The following NCKAP5 variants were observed in gnomAD, a reference collection of about 807,000 sequenced individuals.
NCKAP5 encodes the protein NCK associated protein 5.
NCKAP5 carries 92 observed loss-of-function variants against 167.0 expected under a neutral mutation model. That is an observed-to-expected ratio of 0.55 (90% CI 0.47 to 0.66). The LOEUF (loss-of-function observed/expected upper bound fraction) is 0.66. Ranked by LOEUF, NCKAP5 falls within the 30% of genes least tolerant of loss-of-function variation. The pLI is 0.00. For missense variants in NCKAP5, 2,378 were observed against 2,315.0 expected, an observed-to-expected ratio of 1.03 and a Z score of -0.56; for synonymous variants, 891 against 877.4, an observed-to-expected ratio of 1.02 and a Z score of -0.27.
chr2:133,451,855 G>A (rs1235012313), intron 3 of NCKAP5, among the ~76,000 whole-genome samples: 1 of 152,146 alleles, frequency 6.6e-6, no homozygotes, highest in East Asian at 1.9e-4. Context: ...TCTTCAACCC[G>A]AAGGAGTGAT....
At chr2:132,742,428 C>T (rs1244416444) in intron 16 of NCKAP5, among the ~76,000 whole-genome samples, 1 of 151,876 alleles carries the variant, frequency 6.6e-6, no homozygotes, top group East Asian at 1.9e-4. Context: ...TCAGATCTAT[C>T]AATTTAGCAA....
chr2:132,849,382 A>C (rs768732454), intron 11 of NCKAP5, among the ~76,000 whole-genome samples: 3 of 152,242 alleles, frequency 2.0e-5, no homozygotes, highest in Non-Finnish European at 4.4e-5. Flanking sequence ...GGATCTACTT[A>C]GAGCTAAATA....
intron 8 of NCKAP5, among the ~76,000 whole-genome samples, chr2:132,940,075 T>C (rs1368592985): frequency 1.3e-5 from 2 of 152,148 alleles, no homozygotes; most frequent in Admixed American, 1.3e-4. Flanking sequence ...CAAAGTCCAT[T>C]ATATCATTCT....
At chr2:133,068,465 G>T in intron 6 of NCKAP5, among the ~76,000 whole-genome samples, 1 of 152,210 alleles carries the variant, frequency 6.6e-6, no homozygotes, top group Non-Finnish European at 1.5e-5. Context: ...ATGAACAAAG[G>T]AAGCAGAAGG....
the NCKAP5 span, among the ~76,000 whole-genome samples, chr2:133,637,276 T>C: frequency 1.3e-5 from 2 of 151,632 alleles, no homozygotes; most frequent in Admixed American, 1.3e-4. Context: ...AAAATACTAA[T>C]TGTTGCCCTA....
the NCKAP5 span, among the ~76,000 whole-genome samples, chr2:133,670,856 T>C: frequency 6.6e-6 from 1 of 152,272 alleles, no homozygotes; most frequent in Non-Finnish European, 1.5e-5. Context: ...GCCAGAGGTG[T>C]CAGGTTATCT....
chr2:132,911,995 C>T (rs1247441908), intron 8 of NCKAP5, among the ~76,000 whole-genome samples: 2 of 152,174 alleles, frequency 1.3e-5, no homozygotes, highest in African/African-American at 4.8e-5. Context: ...CTGGGGATAT[C>T]TGCAGAAACT....
intron 11 of NCKAP5, among the ~76,000 whole-genome samples, chr2:132,803,627 C>T (rs1685204824): frequency 6.6e-6 from 1 of 152,210 alleles, no homozygotes. Context: ...CTGTCCTTAT[C>T]TGCTGCAATT....
chr2:133,289,725 AC>A (rs954192043), intron 4 of NCKAP5, among the ~76,000 whole-genome samples: 16 of 142,672 alleles, frequency 1.1e-4, no homozygotes, highest in South Asian at 2.3e-4. Context: ...AAACAAACAA[AC>A]AAAAAAAAAC....
At chr2:133,352,823 C>T (rs1684459330) in intron 3 of NCKAP5, among the ~76,000 whole-genome samples, 1 of 152,186 alleles carries the variant, frequency 6.6e-6, no homozygotes. Flanking sequence ...ACATGAGGCA[C>T]TTTTAGTACT....
intron 19 of NCKAP5, among the ~76,000 whole-genome samples, chr2:132,694,842 C>T (rs938687633): frequency 1.3e-5 from 2 of 152,124 alleles, no homozygotes; most frequent in African/African-American, 4.8e-5. Flanking sequence ...TGGTAAAGGC[C>T]GAGCTTAGTC....
At chr2:132,926,928 A>T (rs948857775) in intron 8 of NCKAP5, among the ~76,000 whole-genome samples, 4 of 152,296 alleles carry the variant, frequency 2.6e-5, no homozygotes, top group Non-Finnish European at 4.4e-5. Flanking sequence ...TTGAGGTCTT[A>T]ATCGAGAATT....
chr2:132,974,096 G>T (rs910862162), intron 7 of NCKAP5, among the ~76,000 whole-genome samples: 3 of 152,114 alleles, frequency 2.0e-5, no homozygotes, highest in Non-Finnish European at 2.9e-5. Context: ...TTCTGATGGG[G>T]ACTATCCTTA....
chr2:133,662,248 C>A, the NCKAP5 span, among the ~76,000 whole-genome samples: 1 of 152,082 alleles, frequency 6.6e-6, no homozygotes, highest in Non-Finnish European at 1.5e-5. Flanking sequence ...ACCAAGTTTT[C>A]CAAATGCTCT....
chr2:132,854,876 G>A (rs1689342592), intron 11 of NCKAP5, among the ~76,000 whole-genome samples: 1 of 152,160 alleles, frequency 6.6e-6, no homozygotes, highest in Admixed American at 6.5e-5. Flanking sequence ...ATACAAAGTG[G>A]AACAGTTGAA....
rs551092419 is a variant in NCKAP5 at position 132,949,728 on chromosome 2, G to A, written c.579+13992C>T. On this transcript the variant is annotated intron_variant, in intron 8 of 19. Transcript: ENST00000409261. ...AAACATGGCTCCCAAACCATGTGTC[G>A]CTAAAAAAAAAGTCCATTCTGATAC... Among the ~76,000 whole-genome samples the A allele has an allele frequency of 3.9e-4, 59 of 151,998 alleles. 1 individual carries two copies. Among genetic ancestry groups the A allele is most frequent in the African/African-American group, 1.2e-3 (50 of 41,466 alleles).
intron 11 of NCKAP5, among the ~76,000 whole-genome samples, chr2:132,859,308 A>G (rs1689707692): frequency 6.6e-6 from 1 of 152,116 alleles, no homozygotes; most frequent in Non-Finnish European, 1.5e-5. Context: ...ATGAATTACA[A>G]TTTCCCGTTA....
intron 8 of NCKAP5, chr2:132,929,852 C>T (rs1296261561): frequency 6.6e-6 from 1 of 152,172 alleles, no homozygotes; most frequent in African/African-American, 2.4e-5. Flanking sequence ...TACATTTTCT[C>T]TGAATTCCCT....
chr2:132,742,238 G>A (rs995788271), intron 16 of NCKAP5, among the ~76,000 whole-genome samples: 1 of 151,924 alleles, frequency 6.6e-6, no homozygotes, highest in African/African-American at 2.4e-5. Flanking sequence ...ATCAGGTTTG[G>A]TGAATTACAT....
Sources: allele counts gnomAD v4.1 joint callset (sites outside exome capture counted in the v4.1 genomes callset), GRCh38; gene constraint gnomAD v4.1.1; transcripts MANE v1.5; gene names NCBI Gene and HGNC (gene_info 2026-07-23, HGNC 2026-07-21).